The following IL1RAPL1 variants were observed in gnomAD, a reference collection of about 807,000 sequenced individuals.
The protein encoded by IL1RAPL1 is interleukin 1 receptor accessory protein like 1, also known as interleukin-1 receptor accessory protein-like 1.
A neutral mutation model predicts 48.4 loss-of-function variants in IL1RAPL1; 3 were observed. That is an observed-to-expected ratio of 0.06 (90% CI 0.03 to 0.16). The LOEUF (loss-of-function observed/expected upper bound fraction) is 0.16. Among genes scored for constraint, IL1RAPL1 ranks in the 10% least tolerant of loss-of-function variants. The pLI, the probability that IL1RAPL1 is intolerant of heterozygous loss-of-function variation, is 1.00. For missense variants in IL1RAPL1, 349 were observed against 530.6 expected (o/e 0.66, Z 3.36); for synonymous variants, 185 against 187.7 (o/e 0.99, Z 0.12).
At chrX:29,433,242 C>G (rs1458396072) in intron 5 of IL1RAPL1, among the ~76,000 whole-genome samples, 1 of 110,601 alleles carries the variant, frequency 9.0e-6, no homozygotes, top group African/African-American at 3.3e-5. Flanking sequence ...ACAGAGGTGA[C>G]CACTGTTTGC....
chrX:28,621,023 C>T (rs1445548615), intron 1 of IL1RAPL1, among the ~76,000 whole-genome samples: 1 of 112,037 alleles, frequency 8.9e-6, no homozygotes, highest in Admixed American at 9.5e-5. Context: ...AAATACAAGG[C>T]CTCATTAAGT....
intron 5 of IL1RAPL1, among the ~76,000 whole-genome samples, chrX:29,557,473 C>A (rs181718875): frequency 8.9e-6 from 1 of 111,835 alleles, no homozygotes; most frequent in African/African-American, 3.2e-5. Context: ...CATAATCAAG[C>A]CAATTAACAT....
At chrX:29,125,222 A>C (rs1352894531) in intron 2 of IL1RAPL1, among the ~76,000 whole-genome samples, 3 of 112,284 alleles carry the variant, frequency 2.7e-5, no homozygotes, top group African/African-American at 9.7e-5. Flanking sequence ...TCATAGGTCA[A>C]ATTAGTCAGG....
intron 5 of IL1RAPL1, among the ~76,000 whole-genome samples, chrX:29,415,601 A>G (rs1356845795): frequency 1.8e-5 from 2 of 110,636 alleles, no homozygotes. Context: ...TTGTATTTTT[A>G]GTAGAGGTGG....
At chrX:29,873,400 G>C (rs1425731498) in intron 6 of IL1RAPL1, among the ~76,000 whole-genome samples, 3 of 103,463 alleles carry the variant, frequency 2.9e-5, no homozygotes, top group African/African-American at 1.1e-4. Flanking sequence ...ATTATATGTT[G>C]AAAGCTAATC....
At chrX:29,554,025 A>G (rs1373479766) in intron 5 of IL1RAPL1, among the ~76,000 whole-genome samples, 2 of 109,139 alleles carry the variant, frequency 1.8e-5, no homozygotes, top group African/African-American at 6.7e-5. Context: ...TGTGACCTCA[A>G]TTTTCTGATG....
chrX:29,933,672 AAG>A (rs1398979783), intron 8 of IL1RAPL1, among the ~76,000 whole-genome samples: 140 of 109,946 alleles, frequency 1.3e-3, no homozygotes, highest in African/African-American at 4.5e-3. Context: ...AAAAAAAAAA[AAG>A]AGAGAGAAGA....
intron 2 of IL1RAPL1, among the ~76,000 whole-genome samples, chrX:29,111,795 C>T (rs969747356): frequency 2.7e-5 from 3 of 111,003 alleles, no homozygotes; most frequent in South Asian, 3.8e-4. Flanking sequence ...TTTACATTTC[C>T]CTGATAGTGA....
chrX:28,783,324 A>T (rs897446096), intron 1 of IL1RAPL1, among the ~76,000 whole-genome samples: 1 of 112,087 alleles, frequency 8.9e-6, no homozygotes, highest in African/African-American at 3.2e-5. Flanking sequence ...ATCACCTTGT[A>T]GGGTAATCTG....
chrX:28,630,253 A>G (rs888893597), intron 1 of IL1RAPL1, among the ~76,000 whole-genome samples: 1 of 110,737 alleles, frequency 9.0e-6, no homozygotes, highest in African/African-American at 3.3e-5. Context: ...AATTTTCCCT[A>G]GCTTTCTTCC....
At chrX:29,602,372 C>T (rs760019770) in intron 5 of IL1RAPL1, among the ~76,000 whole-genome samples, 6 of 111,875 alleles carry the variant, frequency 5.4e-5, no homozygotes, top group Non-Finnish European at 7.5e-5. Context: ...ACTAGAATGA[C>T]GTTCCACACT....
At chrX:28,935,760 C>T (rs1171248707) in intron 2 of IL1RAPL1, among the ~76,000 whole-genome samples, 10 of 111,693 alleles carry the variant, frequency 9.0e-5, no homozygotes, top group Non-Finnish European at 1.7e-4. Flanking sequence ...GACTGTTGAA[C>T]GTATTCTCAT....
At chrX:28,723,518 A>G (rs1426806368) in intron 1 of IL1RAPL1, among the ~76,000 whole-genome samples, 2 of 110,987 alleles carry the variant, frequency 1.8e-5, no homozygotes, top group Non-Finnish European at 1.9e-5. Flanking sequence ...CAGTCTATCA[A>G]TTTTGTTGCT....
intron 5 of IL1RAPL1, among the ~76,000 whole-genome samples, chrX:29,569,727 T>A (rs1042247169): frequency 8.9e-6 from 1 of 111,743 alleles, no homozygotes; most frequent in Non-Finnish European, 1.9e-5. Context: ...TGCAACTACT[T>A]ATGGTCGCGT....
intron 2 of IL1RAPL1, among the ~76,000 whole-genome samples, chrX:29,143,947 G>C (rs1242475776): frequency 9.0e-6 from 1 of 111,625 alleles, no homozygotes; most frequent in Non-Finnish European, 1.9e-5. Context: ...GTCATGCTTG[G>C]AGCTCTTGAG....
chrX:29,110,349 A>G (rs1341698417), intron 2 of IL1RAPL1, among the ~76,000 whole-genome samples: 2 of 111,736 alleles, frequency 1.8e-5, no homozygotes, highest in Non-Finnish European at 3.8e-5. Context: ...CTTCTCCTCA[A>G]TTAGCTGCCA....
At chrX:29,849,903 A>G (rs763222787) in intron 6 of IL1RAPL1, among the ~76,000 whole-genome samples, 16 of 112,115 alleles carry the variant, frequency 1.4e-4, no homozygotes, top group Non-Finnish European at 2.8e-4. Flanking sequence ...TGACCTCAAC[A>G]TGACAGAATT....
At chrX:29,767,057 C>T (rs1364005124) in intron 6 of IL1RAPL1, among the ~76,000 whole-genome samples, 1 of 110,850 alleles carries the variant, frequency 9.0e-6, no homozygotes, top group African/African-American at 3.3e-5. Flanking sequence ...CAATACATTC[C>T]GATGACATGT....
At chrX:29,739,576 T>C (rs1010117802) in intron 6 of IL1RAPL1, among the ~76,000 whole-genome samples, 10 of 111,821 alleles carry the variant, frequency 8.9e-5, no homozygotes, top group Admixed American at 5.7e-4. Context: ...TAAAGTGTAT[T>C]TGTTTGCATA....
Sources: gnomAD v4.1 joint callset for allele counts (sites outside exome capture counted in the v4.1 genomes callset) on GRCh38, gnomAD v4.1.1 for gene constraint, MANE v1.5 for transcripts, NCBI Gene and HGNC (gene_info 2026-07-23, HGNC 2026-07-21) for gene names.